NUF2: variants seen among roughly 807,000 people sequenced by gnomAD.
The protein encoded by NUF2 is kinetochore protein Nuf2.
NUF2 carries 34 observed loss-of-function variants against 61.8 expected under a neutral mutation model. The observed-to-expected ratio is 0.55, with a 90% CI of 0.42 to 0.73. The LOEUF (loss-of-function observed/expected upper bound fraction) is 0.73, where lower values mean the gene tolerates loss of function less well. Ranked by LOEUF, NUF2 falls within the 30% of genes least tolerant of loss-of-function variation. NUF2 has a pLI of 0.00. For missense variants in NUF2, 445 were observed against 539.1 expected, an observed-to-expected ratio of 0.83 and a Z score of 1.73; for synonymous variants, 172 against 181.6, an observed-to-expected ratio of 0.95 and a Z score of 0.42.
chr1:163,325,986 GA>G, intron 1 of NUF2, 45 bp from the exon 2 acceptor site: 1 of 1,463,652 alleles, frequency 6.8e-7, no homozygotes, highest in Non-Finnish European at 9.5e-7. Context: ...CAGATAATGA[GA>G]ACTACTGATC....
In NUF2 at chr1:163,341,885, C is replaced by T. The variant is rs142681115; in HGVS notation, c.669+1459C>T. The stretch of plus-strand genomic sequence containing the variant: ...CCTCAGGGGACCTGCCCACCTCGGC[C>T]TCTGAAAGTGCCAGGATTACAGGTG... On this transcript the variant is annotated intron_variant, in intron 9 of 13. Coordinates refer to ENST00000271452, the MANE Select transcript of NUF2 (RefSeq NM_145697.3). 4.9e-3 allele frequency among the ~76,000 whole-genome samples: 748 copies of T among 152,272 alleles called. 3 individuals carry two copies. Among genetic ancestry groups the T allele is most frequent in the African/African-American group, 0.017 (701 of 41,546 alleles).
intron 1 of NUF2, among the ~76,000 whole-genome samples, chr1:163,323,987 T>TA (rs11376676): frequency 0.9 from 136,324 of 152,142 alleles, 61,795 homozygotes; most frequent in East Asian, 0.98. Context: ...CAGAGGCCAT[T>TA]ATACTGTGCC....
chr1:163,349,845 A>G (rs1651253086), intron 13 of NUF2, among the ~76,000 whole-genome samples: 1 of 152,174 alleles, frequency 6.6e-6, no homozygotes, highest in Non-Finnish European at 1.5e-5. Context: ...AGGAAAAGAA[A>G]TAAAATGGTT....
chr1:163,336,454 G>C (rs1034205996), intron 5 of NUF2, among the ~76,000 whole-genome samples: 3 of 152,074 alleles, frequency 2.0e-5, no homozygotes. Flanking sequence ...CTTTTATCCA[G>C]CATCTAAAAT....
chr1:163,326,182 G>T lies in NUF2; in HGVS notation c.123+8G>T. 1 of 1,611,436 alleles carries T rather than the reference G, an allele frequency of 6.2e-7. No homozygotes were observed. Among genetic ancestry groups the T allele is most frequent in the Non-Finnish European group, 8.5e-7 (1 of 1,178,482 alleles). On this transcript the variant is annotated splice_region_variant and intron_variant, in intron 2 of 13. Transcript: ENST00000271452. ...CTTTATCCAAATCCAAAGGTAAAAG[G>T]TGGTTACGTTTGCATGTGGATAATG...
At position 163,338,107 on chromosome 1, in the gene NUF2, T is replaced by A. The variant is rs962574261; in HGVS notation, c.509+14T>A. 1.2e-5 allele frequency: 19 copies of A among 1,599,826 alleles called. No individual in the cohort carries two copies. The highest frequency in any genetic ancestry group is 1.5e-5 in the Non-Finnish European group (18 of 1,167,546). ...GGAGAGACTTGAGTAAGTGGGAGATTTACAAGTAAAATAAATGCAATTTCA... is the reference window on the plus strand; with the variant it reads ...GGAGAGACTTGAGTAAGTGGGAGATATACAAGTAAAATAAATGCAATTTCA... On this transcript the variant is annotated intron_variant, in intron 7 of 13. Coordinates refer to ENST00000271452, the MANE Select transcript of NUF2 (RefSeq NM_145697.3).
rs1055676929 is a variant in NUF2 at position 163,329,786 on chromosome 1, T to C, written c.337+879T>C. Among the ~76,000 whole-genome samples the C allele has an allele frequency of 5.9e-5, 9 of 152,180 alleles. 1 individual carries two copies. The highest frequency in any genetic ancestry group is 8.8e-5 in the Non-Finnish European group (6 of 68,032). On this transcript the variant is annotated intron_variant, in intron 5 of 13. Coordinates refer to ENST00000271452, the MANE Select transcript of NUF2 (RefSeq NM_145697.3). ...TAAACACAGATGTTTAGAGCAACTTTATTCATAATTACCAGAATTTGAAAG... is the reference window on the plus strand; with the variant it reads ...TAAACACAGATGTTTAGAGCAACTTCATTCATAATTACCAGAATTTGAAAG...
In NUF2 at chr1:163,339,319, G is replaced by T. The variant is rs147513326; in HGVS notation, c.510-62G>T. 1,581 of 915,298 alleles carry T rather than the reference G, an allele frequency of 1.7e-3. 18 individuals are homozygous for T. In the African/African-American group the frequency reaches 0.023, roughly 13 times the overall value. The allele number at this position is 915,298 out of a possible 1,614,324, so 56.7% of individuals were successfully genotyped here. A position where few individuals can be genotyped will look rare whatever the true frequency, so the allele number is the denominator to read the frequency against. ...CTTCATCTCAGTTATTTGAGGACAG[G>T]TATTTCATTTTAGCCTTTCAAAAGT... On this transcript the variant is annotated intron_variant, in intron 7 of 13. Transcript: ENST00000271452.
chr1:163,346,066 G>T, intron 11 of NUF2: 1 of 267,744 alleles, frequency 3.7e-6, no homozygotes, highest in South Asian at 8.1e-5. Context: ...TGTATATTTT[G>T]GAAAATAGTA....
chr1:163,328,858 G>T lies in NUF2; in HGVS notation c.288G>T (p.Leu96Phe). The T allele has an allele frequency of 6.2e-7, 1 of 1,602,736 alleles. No homozygotes were observed. Reference sequence around the variant, plus strand: ...CTTCATCTTCAAGGGACTCATTTTTGCCTATCTGCCGGGTGAATGACTTTG... The same window carrying T: ...CTTCATCTTCAAGGGACTCATTTTTTCCTATCTGCCGGGTGAATGACTTTG... ...SNLVTHLDSF[L>F]PICRVNDFET... Residue 96 changes from leucine (L) to phenylalanine (F), a missense_variant, in exon 5 of 14, where the codon TTG becomes TTT. Coordinates refer to ENST00000271452, the MANE Select transcript of NUF2 (RefSeq NM_145697.3).
chr1:163,344,687 A>G lies in NUF2; in HGVS notation c.807+817A>G, dbSNP rs902905212. On this transcript the variant is annotated intron_variant, in intron 10 of 13. Transcript: ENST00000271452. Reference sequence around the variant, plus strand: ...CCATCTTTTGTGAAGCAATGTTTTTAAACTATTAATTTAAAAAACATATGT... The same window carrying G: ...CCATCTTTTGTGAAGCAATGTTTTTGAACTATTAATTTAAAAAACATATGT... Among the ~76,000 whole-genome samples the G allele has an allele frequency of 7.6e-5, 7 of 92,118 alleles. No homozygotes were observed. The South Asian group carries it at 2.0e-3, about 26-fold the overall frequency. 60.4% of individuals were successfully genotyped at this position (92,118 alleles called of 152,430 possible).
intron 1 of NUF2, among the ~76,000 whole-genome samples, 181 bp from the exon 2 acceptor site, chr1:163,325,851 A>G (rs1373062238): frequency 6.6e-6 from 1 of 152,206 alleles, no homozygotes; most frequent in Non-Finnish European, 1.5e-5. Context: ...TCACCTTAGA[A>G]TAAAAGTAAT....
At chr1:163,352,791 G>A (rs10753612) in intron 13 of NUF2, among the ~76,000 whole-genome samples, 63,129 of 151,848 alleles carry the variant, frequency 0.42, 13,522 homozygotes, top group South Asian at 0.59. Flanking sequence ...TCGTGAACCC[G>A]GGAGGCGGAG....
intron 1 of NUF2, chr1:163,323,126 T>C (rs988245010): frequency 1.3e-5 from 2 of 152,226 alleles, no homozygotes; most frequent in Non-Finnish European, 2.9e-5. Context: ...CATACAAATA[T>C]TATATGATGC....
intron 7 of NUF2, 167 bp from the exon 8 acceptor site, chr1:163,339,214 T>C (rs1180952748): frequency 1.8e-6 from 1 of 551,644 alleles, no homozygotes; most frequent in Non-Finnish European, 3.2e-6. Context: ...ATTTTCTGCC[T>C]GTAGTAGAGG....
chr1:163,330,558 T>G (rs1459107754), intron 5 of NUF2, among the ~76,000 whole-genome samples: 1 of 152,136 alleles, frequency 6.6e-6, no homozygotes, highest in Non-Finnish European at 1.5e-5. Flanking sequence ...TGCATCTCTA[T>G]ATGTATTTTA....
intron 13 of NUF2, among the ~76,000 whole-genome samples, chr1:163,350,664 T>C (rs991491703): frequency 1.2e-4 from 19 of 152,178 alleles, no homozygotes; most frequent in African/African-American, 4.1e-4. Flanking sequence ...AAAGGTCATC[T>C]AGCATGGTGC....
chr1:163,348,950 G>C lies in NUF2; in HGVS notation c.1130G>C (p.Cys377Ser). The C allele has an allele frequency of 1.2e-6, 2 of 1,602,360 alleles. No individual in the cohort carries two copies. The highest frequency in any genetic ancestry group is 8.5e-7 in the Non-Finnish European group (1 of 1,177,264). ...KQYKRTVIED[C>S]NKVQEKRGAV... ...CTGTCTCGATTTTCTTTCAGGGATT[G>C]CAATAAAGTTCAAGAAAAAAGAGGT... Residue 377 changes from cysteine (C) to serine (S), a missense_variant, in exon 13 of 14, where the codon TGC (cysteine) becomes TCC (serine). Physicochemically the swap from Cys to Ser is moderately radical, Grantham distance 112. Coordinates refer to ENST00000271452, the MANE Select transcript of NUF2 (RefSeq NM_145697.3).
At position 163,355,610 on chromosome 1, in the gene NUF2, TTAA is replaced by T. The variant is rs1651461832; in HGVS notation, c.*145_*147del. 2.0e-6 allele frequency: 1 copy of T among 498,152 alleles called. No homozygotes were observed. Among genetic ancestry groups the T allele is most frequent in the African/African-American group, 2.0e-5 (1 of 50,104 alleles). 30.9% of individuals were successfully genotyped at this position (498,152 alleles called of 1,614,324 possible). ...AGTTTTTATACACTCTCATAAGTAG[TTAA>T]TAAGATGAATTTAATGTAGGCTTTT... On this transcript the variant is annotated 3_prime_UTR_variant, in exon 14 of 14. Coordinates refer to ENST00000271452, the MANE Select transcript of NUF2 (RefSeq NM_145697.3).
Sources: gnomAD v4.1 joint callset for allele counts (sites outside exome capture counted in the v4.1 genomes callset) on GRCh38, gnomAD v4.1.1 for gene constraint, MANE v1.5 for transcripts, NCBI Gene and HGNC (gene_info 2026-07-23, HGNC 2026-07-21) for gene names.